XRCC4: variants seen among roughly 807,000 people sequenced by gnomAD.
XRCC4 encodes DNA repair protein XRCC4.
A neutral mutation model predicts 39.1 loss-of-function variants in XRCC4; 28 were observed. That is an observed-to-expected ratio of 0.72 (90% CI 0.53 to 0.98). The LOEUF (loss-of-function observed/expected upper bound fraction) is 0.98. Among genes scored for constraint, XRCC4 ranks in the 50% least tolerant of loss-of-function variants. XRCC4 has a pLI of 0.00. For synonymous variants in XRCC4, 123 were observed against 126.4 expected (o/e 0.97, Z 0.18); for missense variants, 350 against 376.4 (o/e 0.93, Z 0.58).
At chr5:83,149,508 A>G (rs1748610765) in intron 3 of XRCC4, among the ~76,000 whole-genome samples, 1 of 152,054 alleles carries the variant, frequency 6.6e-6, no homozygotes, top group African/African-American at 2.4e-5. Context: ...AAAAACTCCA[A>G]ATTTTCTAGT....
chr5:83,105,732 A>G (rs2112377962), intron 2 of XRCC4, among the ~76,000 whole-genome samples: 1 of 152,276 alleles, frequency 6.6e-6, no homozygotes, highest in African/African-American at 2.4e-5. Context: ...ATCTTATTGA[A>G]AGATTTAAAG....
chr5:83,346,657 A>G (rs1756925458), intron 7 of XRCC4, among the ~76,000 whole-genome samples: 1 of 152,224 alleles, frequency 6.6e-6, no homozygotes, highest in African/African-American at 2.4e-5. Context: ...TAACACAGTG[A>G]GCTGTTCATA....
At chr5:83,170,700 A>AC (rs1355625107) in intron 3 of XRCC4, among the ~76,000 whole-genome samples, 1 of 149,950 alleles carries the variant, frequency 6.7e-6, no homozygotes, top group African/African-American at 2.5e-5. Context: ...TTAAGGGCTC[A>AC]CTTGATTTGA....
chr5:83,300,546 T>TTG (rs70973389), intron 7 of XRCC4, among the ~76,000 whole-genome samples: 12,383 of 126,630 alleles, frequency 0.098, 1,402 homozygotes, highest in African/African-American at 0.28. Context: ...TATCTTTTGT[T>TTG]TGTGTGTGTG....
intron 6 of XRCC4, among the ~76,000 whole-genome samples, chr5:83,254,090 T>C (rs1287611624): frequency 6.6e-6 from 1 of 150,470 alleles, no homozygotes; most frequent in Non-Finnish European, 1.5e-5. Flanking sequence ...TGTTTTTTTT[T>C]TTTTCTTTTG....
At chr5:83,328,581 T>C (rs982632512) in intron 7 of XRCC4, among the ~76,000 whole-genome samples, 3 of 152,254 alleles carry the variant, frequency 2.0e-5, no homozygotes, top group Non-Finnish European at 2.9e-5. Flanking sequence ...AAGATTTTTA[T>C]TCTTTCTCCA....
At chr5:83,369,179 G>A in the XRCC4 span, among the ~76,000 whole-genome samples, 1 of 152,064 alleles carries the variant, frequency 6.6e-6, no homozygotes, top group South Asian at 2.1e-4. Context: ...GCAAGAAACG[G>A]GACCTTCACT....
At chr5:83,077,766 C>G (rs1165155920) in intron 1 of XRCC4, 151 bp downstream of exon 1, 1 of 165,630 alleles carries the variant, frequency 6.0e-6, no homozygotes, top group Non-Finnish European at 1.3e-5. Context: ...TGAGCTCCCG[C>G]GACTTCCTCT....
chr5:83,322,108 A>G (rs894205438), intron 7 of XRCC4, among the ~76,000 whole-genome samples: 4 of 151,818 alleles, frequency 2.6e-5, no homozygotes, highest in African/African-American at 7.3e-5. Context: ...TGCTTTCACA[A>G]TTTACATTTA....
chr5:83,187,448 A>C (rs997878320), intron 3 of XRCC4, among the ~76,000 whole-genome samples: 1 of 152,204 alleles, frequency 6.6e-6, no homozygotes, highest in African/African-American at 2.4e-5. Context: ...TGTGGAAGGT[A>C]ACATCCCAAG....
At chr5:83,343,434 AC>A (rs1329994248) in intron 7 of XRCC4, among the ~76,000 whole-genome samples, 1 of 152,106 alleles carries the variant, frequency 6.6e-6, no homozygotes, top group East Asian at 1.9e-4. Flanking sequence ...TAAATCATGA[AC>A]ATAGCAGTAT....
chr5:83,106,415 T>G (rs763422522), intron 2 of XRCC4, among the ~76,000 whole-genome samples: 18 of 152,110 alleles, frequency 1.2e-4, no homozygotes, highest in Non-Finnish European at 2.2e-4. Context: ...AAATGGCGTA[T>G]TCTGTATACT....
chr5:83,085,478 A>ATT lies in XRCC4; in HGVS notation c.-11+7870_-11+7871dup, dbSNP rs11387713. On this transcript the variant is annotated intron_variant, in intron 1 of 7. Coordinates refer to ENST00000396027, the MANE Select transcript of XRCC4 (RefSeq NM_003401.5). ...AAAAGTTAAAGTTTAAATGTTTATG[A>ATT]TTTTTTTTGTAATTTTTAGGTAGAT... Among the ~76,000 whole-genome samples the ATT allele has an allele frequency of 1.7e-4, 26 of 151,650 alleles. 1 individual carries two copies. The highest frequency in any genetic ancestry group is 3.2e-4 in the Non-Finnish European group (22 of 67,912).
intron 7 of XRCC4, among the ~76,000 whole-genome samples, chr5:83,278,401 T>C (rs756980232): frequency 2.6e-5 from 4 of 152,196 alleles, no homozygotes; most frequent in African/African-American, 7.2e-5. Context: ...TTTACTGCAA[T>C]AATAAAACAC....
At chr5:83,272,160 G>A (rs568659510) in intron 7 of XRCC4, among the ~76,000 whole-genome samples, 6 of 152,112 alleles carry the variant, frequency 3.9e-5, no homozygotes, top group South Asian at 2.1e-4. Flanking sequence ...TTTATACTCC[G>A]GAGTTTTTCT....
intron 3 of XRCC4, among the ~76,000 whole-genome samples, chr5:83,146,305 T>C (rs1748448943): frequency 6.6e-6 from 1 of 152,170 alleles, no homozygotes; most frequent in Non-Finnish European, 1.5e-5. Context: ...AAGGGGACTT[T>C]CTCTGAGCTA....
intron 7 of XRCC4, among the ~76,000 whole-genome samples, chr5:83,314,621 T>G (rs1755817749): frequency 6.6e-6 from 1 of 152,194 alleles, no homozygotes; most frequent in Non-Finnish European, 1.5e-5. Context: ...GTGGTCACTT[T>G]GTGTCACTGT....
At chr5:83,113,775 C>T (rs555401160) in intron 3 of XRCC4, among the ~76,000 whole-genome samples, 221 of 152,168 alleles carry the variant, frequency 1.5e-3, no homozygotes, top group Non-Finnish European at 2.4e-3. Flanking sequence ...TATAGGCGTC[C>T]GCCACCATGC....
At chr5:83,177,131 A>G (rs1183869615) in intron 3 of XRCC4, among the ~76,000 whole-genome samples, 2 of 152,198 alleles carry the variant, frequency 1.3e-5, no homozygotes, top group African/African-American at 4.8e-5. Context: ...AAAAGGACTT[A>G]AATGCTAAAT....
Sources: gnomAD v4.1 joint callset for allele counts (sites outside exome capture counted in the v4.1 genomes callset) on GRCh38, gnomAD v4.1.1 for gene constraint, MANE v1.5 for transcripts, NCBI Gene and HGNC (gene_info 2026-07-23, HGNC 2026-07-21) for gene names.